Variants in EXT1 observed in about 807,000 individuals in gnomAD.
The protein encoded by EXT1 is exostosin-1.
Under a neutral mutation model 82.5 loss-of-function variants are expected in EXT1, and 20 were observed. The ratio of observed to expected loss-of-function variants is 0.24; its 90% confidence interval spans 0.17 to 0.35. The LOEUF (loss-of-function observed/expected upper bound fraction) is 0.35. Among genes scored for constraint, EXT1 ranks in the 10% least tolerant of loss-of-function variants. The pLI is 1.00. For synonymous variants in EXT1, 348 were observed against 350.8 expected (o/e 0.99, Z 0.09); for missense variants, 757 against 936.5 (o/e 0.81, Z 2.50).
chr8:118,056,253 A>T (rs1395988014), intron 1 of EXT1, among the ~76,000 whole-genome samples: 1 of 152,222 alleles, frequency 6.6e-6, no homozygotes, highest in Non-Finnish European at 1.5e-5. Flanking sequence ...GAAAAACAAA[A>T]ATATATATAC....
At chr8:117,885,944 T>TCTCTA (rs1813140438) in intron 1 of EXT1, among the ~76,000 whole-genome samples, 1 of 152,152 alleles carries the variant, frequency 6.6e-6, no homozygotes, top group Non-Finnish European at 1.5e-5. Context: ...TCCTAGAGTA[T>TCTCTA]GGTGGAATGA....
chr8:117,839,859 T>TA (rs1812247147), intron 1 of EXT1, among the ~76,000 whole-genome samples: 1 of 152,280 alleles, frequency 6.6e-6, no homozygotes, highest in African/African-American at 2.4e-5. Context: ...TTTCAACAGA[T>TA]AGAGTCCAGA....
chr8:118,095,547 G>A (rs542289212), intron 1 of EXT1, among the ~76,000 whole-genome samples: 1 of 152,264 alleles, frequency 6.6e-6, no homozygotes, highest in East Asian at 1.9e-4. Flanking sequence ...GAATTTTAAA[G>A]ACACATGTAG....
intron 1 of EXT1, among the ~76,000 whole-genome samples, chr8:117,882,485 A>G (rs1161665499): frequency 6.6e-6 from 1 of 152,158 alleles, no homozygotes; most frequent in African/African-American, 2.4e-5. Context: ...TAATGCCACT[A>G]TGATTAAGGC....
At chr8:117,940,382 C>G (rs1202005826) in intron 1 of EXT1, among the ~76,000 whole-genome samples, 2 of 152,034 alleles carry the variant, frequency 1.3e-5, no homozygotes, top group Non-Finnish European at 2.9e-5. Context: ...GAGTGGCAAG[C>G]TGAGCTAGCA....
chr8:117,817,374 G>A (rs759351185), intron 7 of EXT1, among the ~76,000 whole-genome samples: 7 of 152,090 alleles, frequency 4.6e-5, no homozygotes, highest in South Asian at 2.1e-4. Context: ...TCATTCTGGC[G>A]CAAAGGTGTG....
intron 1 of EXT1, among the ~76,000 whole-genome samples, chr8:117,902,429 T>C (rs1813466694): frequency 1.3e-5 from 2 of 152,232 alleles, no homozygotes; most frequent in African/African-American, 4.8e-5. Context: ...GATTTGTTTA[T>C]ACCAGCATCA....
chr8:117,986,532 C>A (rs7818831), intron 1 of EXT1, among the ~76,000 whole-genome samples: 102,184 of 152,088 alleles, frequency 0.67, 34,660 homozygotes, highest in Admixed American at 0.79. Context: ...AAATTTAGGT[C>A]TAAAAAATAA....
At chr8:118,075,443 G>A (rs1387869242) in intron 1 of EXT1, among the ~76,000 whole-genome samples, 2 of 152,152 alleles carry the variant, frequency 1.3e-5, no homozygotes, top group East Asian at 1.9e-4. Context: ...ATGAGGGGAC[G>A]CTGCACCCTA....
At chr8:117,829,777 G>A (rs749822082) in intron 4 of EXT1, among the ~76,000 whole-genome samples, 7 of 151,906 alleles carry the variant, frequency 4.6e-5, no homozygotes, top group Non-Finnish European at 8.8e-5. Context: ...GTTTCACCAT[G>A]TTGGCCAGGT....
chr8:118,030,988 T>C (rs1816304915), intron 1 of EXT1, among the ~76,000 whole-genome samples: 2 of 152,242 alleles, frequency 1.3e-5, no homozygotes, highest in Admixed American at 6.5e-5. Flanking sequence ...GAAACATGCA[T>C]CTAAGAAGGA....
At chr8:118,081,240 G>A (rs1378010366) in intron 1 of EXT1, among the ~76,000 whole-genome samples, 1 of 152,166 alleles carries the variant, frequency 6.6e-6, no homozygotes, top group East Asian at 1.9e-4. Context: ...ACTAGGTCAT[G>A]CAGGTAACCA....
chr8:117,906,474 T>G (rs1440343514), intron 1 of EXT1, among the ~76,000 whole-genome samples: 1 of 152,166 alleles, frequency 6.6e-6, no homozygotes, highest in Admixed American at 6.5e-5. Flanking sequence ...CCACTACCAA[T>G]CAATCTAAGT....
chr8:118,066,066 AC>A (rs1375691350), intron 1 of EXT1, among the ~76,000 whole-genome samples: 2 of 152,218 alleles, frequency 1.3e-5, no homozygotes, highest in Non-Finnish European at 2.9e-5. Context: ...TTGAAAATTA[AC>A]TGTAGAGATA....
At chr8:118,030,858 G>T (rs1416943859) in intron 1 of EXT1, among the ~76,000 whole-genome samples, 7 of 152,076 alleles carry the variant, frequency 4.6e-5, no homozygotes, top group Non-Finnish European at 8.8e-5. Context: ...CCCTTCCAAA[G>T]GAAAGAGGAG....
intron 1 of EXT1, among the ~76,000 whole-genome samples, chr8:117,999,958 G>A (rs551538762): frequency 6.5e-4 from 85 of 130,562 alleles, no homozygotes; most frequent in Non-Finnish European, 1.2e-3. Flanking sequence ...ATGTATGTGC[G>A]TGTATATATA....
At chr8:117,993,392 C>T (rs1458108653) in intron 1 of EXT1, among the ~76,000 whole-genome samples, 1 of 152,186 alleles carries the variant, frequency 6.6e-6, no homozygotes, top group Admixed American at 6.5e-5. Context: ...GCCAGGCCAG[C>T]CTGGATATTT....
chr8:118,050,896 C>A (rs1478758390), intron 1 of EXT1, among the ~76,000 whole-genome samples: 2 of 152,094 alleles, frequency 1.3e-5, no homozygotes, highest in African/African-American at 4.8e-5. Flanking sequence ...GGGAGGTGTT[C>A]TGTGCTATTT....
chr8:117,872,781 T>C (rs1232866765), intron 1 of EXT1, among the ~76,000 whole-genome samples: 1 of 149,664 alleles, frequency 6.7e-6, no homozygotes, highest in East Asian at 2.0e-4. Context: ...TCAATCACTT[T>C]CAAAGATCTC....
Sources: gnomAD v4.1 joint callset for allele counts (sites outside exome capture counted in the v4.1 genomes callset) on GRCh38, gnomAD v4.1.1 for gene constraint, MANE v1.5 for transcripts, NCBI Gene and HGNC (gene_info 2026-07-23, HGNC 2026-07-21) for gene names.